Variants in CES1 observed in about 807,000 individuals in gnomAD.
CES1 encodes the protein carboxylesterase 1, also known as liver carboxylesterase 1.
Under a neutral mutation model 53.0 loss-of-function variants are expected in CES1, and 50 were observed. The ratio of observed to expected loss-of-function variants is 0.94; its 90% CI spans 0.75 to 1.19. The LOEUF (loss-of-function observed/expected upper bound fraction) is 1.19, where lower values mean the gene tolerates loss of function less well. Among genes scored for constraint, CES1 ranks in the 50% most tolerant of loss-of-function variants. The pLI, the probability that CES1 is intolerant of heterozygous loss-of-function variation, is 0.00. For missense variants in CES1, 534 were observed against 538.0 expected (o/e 0.99, Z 0.07); for synonymous variants, 202 against 210.1 (o/e 0.96, Z 0.33).
intron 1 of CES1, among the ~76,000 whole-genome samples, chr16:55,831,416 G>T (rs1444974676): frequency 2.0e-5 from 3 of 151,040 alleles, no homozygotes; most frequent in African/African-American, 7.3e-5. Flanking sequence ...TGAAAAAGTG[G>T]GTGAATGGGG....
At chr16:55,832,935 C>T (rs1468058780) in intron 1 of CES1, 69 bp downstream of exon 1, 2 of 1,331,396 alleles carry the variant, frequency 1.5e-6, no homozygotes, top group Non-Finnish European at 2.2e-6. Flanking sequence ...TTCTACGCAT[C>T]TGCGCCCACC....
chr16:55,812,722 G>A (rs1354464857), intron 9 of CES1, among the ~76,000 whole-genome samples, 181 bp downstream of exon 9: 3 of 152,146 alleles, frequency 2.0e-5, no homozygotes, highest in Non-Finnish European at 2.9e-5. Context: ...CCAGGGCCCT[G>A]ATACCCCGGT....
chr16:55,810,248 T>C (rs1377171168), intron 11 of CES1, among the ~76,000 whole-genome samples: 1 of 152,050 alleles, frequency 6.6e-6, no homozygotes, highest in Non-Finnish European at 1.5e-5. Context: ...TTGGATTCCA[T>C]CTCTTTCCTC....
chr16:55,821,206 G>A (rs1193386336), intron 5 of CES1, among the ~76,000 whole-genome samples, 162 bp downstream of exon 5: 1 of 150,140 alleles, frequency 6.7e-6, no homozygotes, highest in Non-Finnish European at 1.5e-5. Flanking sequence ...AAGGAGAGCT[G>A]GTCTTTAGCT....
chr16:55,808,895 T>G (rs1165986688), intron 11 of CES1, among the ~76,000 whole-genome samples: 1 of 152,144 alleles, frequency 6.6e-6, no homozygotes, highest in Non-Finnish European at 1.5e-5. Context: ...GGAAAATCTT[T>G]AGACGAAAAC....
intron 2 of CES1, among the ~76,000 whole-genome samples, chr16:55,828,435 G>A (rs753269139): frequency 2.0e-5 from 3 of 152,152 alleles, no homozygotes; most frequent in Non-Finnish European, 2.9e-5. Flanking sequence ...CACTTTTCCT[G>A]TTCTATCATA....
chr16:55,828,546 G>T (rs1200302972), intron 2 of CES1, among the ~76,000 whole-genome samples: 1 of 152,128 alleles, frequency 6.6e-6, no homozygotes, highest in Non-Finnish European at 1.5e-5. Context: ...TTCACTAATG[G>T]ATCCCAAGAA....
intron 8 of CES1, among the ~76,000 whole-genome samples, chr16:55,816,345 C>T (rs77521296): frequency 4.6e-5 from 7 of 152,238 alleles, no homozygotes; most frequent in Admixed American, 1.3e-4. Flanking sequence ...TCATGTACTC[C>T]GCCCATGACC....
Position 55,819,620 on chromosome 16 carries a change from C to A in CES1, c.821G>T (p.Gly274Val). Residue 274 changes from glycine (G) to valine (V), a missense_variant, in exon 7 of 14, where the codon GGG becomes GTG. Around this residue, in one of 5 missense-constraint regions of CES1, gnomAD observed 269 missense variants for 206.6 expected, o/e 1.30. Coordinates refer to ENST00000360526, the MANE Select transcript of CES1 (RefSeq NM_001025195.2). ...GACAGCAGAGGTGGTGGTTTTGCAC[C>A]CAGCAGTGATAGCAATTTGCTGCAA... ...PLAEQIAITA[G>V]CKTTTSAVMV... 6.2e-7 allele frequency: 1 copy of A among 1,613,960 alleles called. No individual in the cohort carries two copies. Among genetic ancestry groups the A allele is most frequent in the Non-Finnish European group, 8.5e-7 (1 of 1,179,918 alleles).
chr16:55,817,046 G>A, intron 7 of CES1, 84 bp from the exon 8 acceptor site: 1 of 1,424,262 alleles, frequency 7.0e-7, no homozygotes, highest in Non-Finnish European at 9.9e-7. Flanking sequence ...AGAGGTGTCA[G>A]GTTCTTCCCG....
In CES1 at chr16:55,810,606, T is replaced by C; in HGVS notation, c.1229A>G (p.Asp410Gly). The change falls in exon 11 of 14, where the codon GAC becomes GGC. Residue 410 changes from aspartate to glycine, a missense_variant. Asp to Gly is a moderately conservative substitution (Grantham distance 94). Around this residue, in one of 5 missense-constraint regions of CES1, gnomAD observed 269 missense variants for 206.6 expected, o/e 1.30. Coordinates refer to ENST00000360526, the MANE Select transcript of CES1 (RefSeq NM_001025195.2). Reference protein sequence around the residue: ...ATEKYLGGTDDTVKKKDLFLD... With the variant: ...ATEKYLGGTDGTVKKKDLFLD... ...GAACAGGTCTTTCTTTTTGACAGTG[T>C]CGTCTGTTCCTCCTAAGTATTTCTC... The C allele has an allele frequency of 6.2e-7, 1 of 1,614,142 alleles. No homozygotes were observed. Among genetic ancestry groups the C allele is most frequent in the Non-Finnish European group, 8.5e-7 (1 of 1,179,982 alleles).
intron 1 of CES1, among the ~76,000 whole-genome samples, chr16:55,831,896 G>A (rs1193074295): frequency 6.6e-6 from 1 of 151,350 alleles, no homozygotes; most frequent in African/African-American, 2.4e-5. Flanking sequence ...AATGGCATGG[G>A]GGTATTTCGA....
chr16:55,830,813 G>GGAAT (rs1266488988), intron 1 of CES1, among the ~76,000 whole-genome samples: 19 of 149,818 alleles, frequency 1.3e-4, no homozygotes, highest in South Asian at 1.1e-3. Context: ...AAGGAAGGAA[G>GGAAT]GAAGGAAGGC....
intron 8 of CES1, among the ~76,000 whole-genome samples, chr16:55,814,063 G>C (rs779506022): frequency 6.6e-6 from 1 of 151,288 alleles, no homozygotes; most frequent in African/African-American, 2.4e-5. Context: ...CATGATTAAT[G>C]AGGAAGAGAT....
intron 9 of CES1, 102 bp from the exon 10 acceptor site, chr16:55,811,112 A>G (rs573850830): frequency 1.1e-6 from 1 of 951,452 alleles, no homozygotes; most frequent in East Asian, 2.5e-5. Flanking sequence ...AAGTCCTCTA[A>G]TTATGGGGGC....
chr16:55,816,194 C>T (rs1478994545), intron 8 of CES1, among the ~76,000 whole-genome samples: 1 of 152,276 alleles, frequency 6.6e-6, no homozygotes, highest in Non-Finnish European at 1.5e-5. Context: ...ACTTGATTTG[C>T]TTTTTTATTG....
chr16:55,824,630 A>G (rs2032345939), intron 3 of CES1, among the ~76,000 whole-genome samples: 1 of 152,226 alleles, frequency 6.6e-6, no homozygotes, highest in Admixed American at 6.5e-5. Context: ...TCCAGAGTCC[A>G]CATGTTGAGC....
rs111399497 is a variant in CES1, at chr16:55,820,683, C to A, written c.694-204G>T. The stretch of plus-strand genomic sequence containing the variant: ...TCTCATCTGGGTTTTCATCCCAGAT[C>A]CCCCAGTGTCTCCTGAACCCAATCC... On this transcript the variant is annotated intron_variant, in intron 5 of 13. Coordinates refer to ENST00000360526, the MANE Select transcript of CES1 (RefSeq NM_001025195.2). Among the ~76,000 whole-genome samples the A allele has an allele frequency of 2.0e-5, 3 of 152,084 alleles. No homozygotes were observed. In the East Asian group the frequency reaches 5.8e-4, roughly 29 times the overall value.
intron 8 of CES1, 86 bp downstream of exon 8, chr16:55,816,838 A>G (rs2031963753): frequency 2.1e-6 from 3 of 1,452,408 alleles, no homozygotes; most frequent in African/African-American, 2.8e-5. Flanking sequence ...ATAATTACCC[A>G]AGAGATGATT....
Sources: allele counts gnomAD v4.1 joint callset (sites outside exome capture counted in the v4.1 genomes callset), GRCh38; gene constraint gnomAD v4.1.1; regional missense constraint gnomAD v4.1.1; transcripts MANE v1.5; gene names NCBI Gene and HGNC (gene_info 2026-07-23, HGNC 2026-07-21).